Variants in CAPNS1 observed in about 807,000 individuals in gnomAD.
CAPNS1 encodes the protein CANP small subunit.
A neutral mutation model predicts 39.2 loss-of-function variants in CAPNS1; 32 were observed. That is an observed-to-expected ratio of 0.82 (90% CI 0.62 to 1.10). The LOEUF (loss-of-function observed/expected upper bound fraction) is 1.10. CAPNS1 is among the 50% of genes least tolerant of loss of function. The pLI is 0.00. For missense variants in CAPNS1, 353 were observed against 373.1 expected (o/e 0.95, Z 0.44); for synonymous variants, 153 against 136.2 (o/e 1.12, Z -0.86).
At chr19:36,145,203 CTTTTTTTTT>C (rs5827950) in intron 6 of CAPNS1, among the ~76,000 whole-genome samples, 2 of 118,296 alleles carry the variant, frequency 1.7e-5, no homozygotes, top group African/African-American at 3.3e-5. Context: ...TTTTCTTTCT[CTTTTTTTTT>C]TTTTTTTTTT....
intron 2 of CAPNS1, 31 bp downstream of exon 2, chr19:36,141,251 C>T (rs1405598575): frequency 2.0e-6 from 3 of 1,506,734 alleles, no homozygotes; most frequent in Non-Finnish European, 8.8e-7. Flanking sequence ...GGGGCGGGGC[C>T]TGGGAATGGG....
chr19:36,146,260 C>T lies in CAPNS1; in HGVS notation c.669C>T (p.Asn223=). ...IIRRYSDESG[N]MDFDNFISCL... is the part of the protein sequence containing the mutation. ...GACGCTACTCAGATGAAAGTGGGAA[C>T]ATGGATTTTGACAACTTCATCAGCT... The change falls in exon 9 of 11, where the codon AAC becomes AAT. Residue 223 remains asparagine, a synonymous_variant. Transcript: ENST00000246533. 6.2e-7 allele frequency: 1 copy of T among 1,614,068 alleles called. No individual in the cohort carries two copies.
At chr19:36,142,582 G>T (rs1042981561) in intron 3 of CAPNS1, 70 bp from the exon 4 acceptor site, 95 of 1,259,088 alleles carry the variant, frequency 7.5e-5, no homozygotes, top group Admixed American at 2.2e-4. Context: ...CCCACCCAGG[G>T]TACCTGGGTT....
intron 6 of CAPNS1, 122 bp from the exon 7 acceptor site, chr19:36,145,684 C>T: frequency 1.4e-6 from 1 of 733,632 alleles, no homozygotes; most frequent in Non-Finnish European, 2.3e-6. Context: ...ATGACTAGGA[C>T]CAAGCGGGAG....
At chr19:36,140,623 T>A in intron 1 of CAPNS1, 1 of 201,624 alleles carries the variant, frequency 5.0e-6, no homozygotes, top group Admixed American at 6.1e-5. Flanking sequence ...TCCGCGCCCA[T>A]GACCTGCCAA....
In CAPNS1 at chr19:36,141,161, A is replaced by AGGCGGC. The variant is rs1374094649; in HGVS notation, c.153_158dup (p.Gly55_Gly56dup). On this transcript the variant is annotated inframe_insertion, in exon 2 of 11. Coordinates refer to ENST00000246533, the MANE Select transcript of CAPNS1 (RefSeq NM_001749.4). ...GCGGCGGCGGCGGCGGCGGTGGTGG[A>AGGCGGC]GGCGGCGGTGGCGGTGGAACGGCCA... The AGGCGGC allele has an allele frequency of 7.2e-7, 1 of 1,398,096 alleles. No individual in the cohort carries two copies. 86.6% of individuals were successfully genotyped at this position (1,398,096 alleles called of 1,614,324 possible).
chr19:36,149,719 C>T (rs758474848), intron 10 of CAPNS1, 83 bp downstream of exon 10: 1 of 1,591,200 alleles, frequency 6.3e-7, no homozygotes, highest in South Asian at 1.1e-5. Flanking sequence ...CTGCAGTCCC[C>T]TTCCTCCTAT....
chr19:36,140,801 T>C, intron 1 of CAPNS1, 196 bp from the exon 2 acceptor site: 2 of 662,080 alleles, frequency 3.0e-6, no homozygotes, highest in Admixed American at 3.6e-5. Context: ...CACGGGTGCC[T>C]TTTAGACCTG....
In CAPNS1 at chr19:36,142,659, G is replaced by A. The variant is rs866083785; in HGVS notation, c.251G>A (p.Arg84His). The change falls in exon 4 of 11, where the codon CGC (arginine) becomes CAC (histidine). Residue 84 changes from arginine (R) to histidine (H), a missense_variant. Physicochemically the swap from Arg to His is conservative, Grantham distance 29. Coordinates refer to ENST00000246533, the MANE Select transcript of CAPNS1 (RefSeq NM_001749.4). ...AQYNPEPPPPRTHYSNIEANE... is the reference protein window; with the variant it reads ...AQYNPEPPPPHTHYSNIEANE... The stretch of plus-strand genomic sequence containing the variant: ...GCTCTCCTCCCTTTGCAGCCCCCAC[G>A]CACACATTACTCCAACATTGAGGCC... 5 of 1,613,856 alleles carry A rather than the reference G, an allele frequency of 3.1e-6. No homozygotes were observed. Among genetic ancestry groups the A allele is most frequent in the Admixed American group, 1.7e-5 (1 of 59,992 alleles).
At chr19:36,145,577 AAT>A (rs1974533757) in intron 6 of CAPNS1, 1 of 509,418 alleles carries the variant, frequency 2.0e-6, no homozygotes, top group South Asian at 2.6e-5. Context: ...AGTTGAATAT[AAT>A]TCCTCATGGT....
chr19:36,149,641 G>A lies in CAPNS1; in HGVS notation c.780+5G>A, dbSNP rs765107361. The A allele has an allele frequency of 7.6e-6, 12 of 1,574,230 alleles. No individual in the cohort carries two copies. The South Asian group carries it at 9.3e-5, about 12-fold the overall frequency. ...ATCCAGGTGAACATCCAGGAGGTAA[G>A]GACCCCCATATTGGGGTATGGGTGC... On this transcript the variant is annotated splice_donor_5th_base_variant and intron_variant, in intron 10 of 10. Coordinates refer to ENST00000246533, the MANE Select transcript of CAPNS1 (RefSeq NM_001749.4).
Position 36,141,211 on chromosome 19 carries a change from G to A in CAPNS1, c.200G>A (p.Ser67Asn). 1 of 1,500,780 alleles carries A rather than the reference G, an allele frequency of 6.7e-7. No individual in the cohort carries two copies. Among genetic ancestry groups the A allele is most frequent in the South Asian group, 1.3e-5 (1 of 77,118 alleles). The allele number at this position is 1,500,780 out of a possible 1,614,324, so 93.0% of individuals were successfully genotyped here. ...TAMRILGGVI[S>N]AISEAAAQYN... is the part of the protein sequence containing the mutation. ...ATGCGCATCCTAGGCGGAGTCATCAGCGCCATCAGGTAAGGCGGAGACTAT... is the reference window on the plus strand; with the variant it reads ...ATGCGCATCCTAGGCGGAGTCATCAACGCCATCAGGTAAGGCGGAGACTAT... The change falls in exon 2 of 11, where the codon AGC becomes AAC. Residue 67 changes from serine (S) to asparagine (N), a missense_variant. Coordinates refer to ENST00000246533, the MANE Select transcript of CAPNS1 (RefSeq NM_001749.4).
intron 6 of CAPNS1, among the ~76,000 whole-genome samples, chr19:36,143,812 G>A (rs919878393): frequency 1.1e-4 from 16 of 149,194 alleles, no homozygotes; most frequent in Non-Finnish European, 2.2e-4. Context: ...GCAGTGAGCC[G>A]AGATCGCGCC....
intron 1 of CAPNS1, chr19:36,140,423 C>T (rs1047445397): frequency 6.6e-6 from 1 of 152,564 alleles, no homozygotes; most frequent in African/African-American, 2.4e-5. Context: ...GATCGTAGAT[C>T]TGTGCCCCCA....
At position 36,141,112 on chromosome 19, in the gene CAPNS1, G is replaced by GCGGGGC. The variant is rs1974343649; in HGVS notation, c.107_112dup (p.Ala36_Gly37dup). On this transcript the variant is annotated inframe_insertion, in exon 2 of 11. Transcript: ENST00000246533. ...GGAAATGTGCTTGGAGGCCTGATCAGCGGGGCCGGGGGCGGCGGCGGCGGC... is the reference window on the plus strand; with the variant it reads ...GGAAATGTGCTTGGAGGCCTGATCAGCGGGGCCGGGGCCGGGGGCGGCGGCGGCGGC... 1.1e-5 allele frequency: 15 copies of GCGGGGC among 1,392,518 alleles called. No individual in the cohort carries two copies. Among genetic ancestry groups the GCGGGGC allele is most frequent in the African/African-American group, 1.5e-5 (1 of 64,806 alleles). 86.3% of individuals were successfully genotyped at this position (1,392,518 alleles called of 1,614,324 possible).
chr19:36,144,814 C>T (rs1385737174), intron 6 of CAPNS1, among the ~76,000 whole-genome samples: 2 of 152,218 alleles, frequency 1.3e-5, no homozygotes, highest in African/African-American at 2.4e-5. Context: ...CGCTCTGTGC[C>T]TCAGTTTCTC....
At chr19:36,148,721 G>A (rs1398118519) in intron 9 of CAPNS1, among the ~76,000 whole-genome samples, 8 of 151,950 alleles carry the variant, frequency 5.3e-5, no homozygotes, top group African/African-American at 1.9e-4. Flanking sequence ...GCTGAGGCAG[G>A]AGAATCACTT....
At position 36,140,865 on chromosome 19, in the gene CAPNS1, C is replaced by T. The variant is rs528629683; in HGVS notation, c.-15-132C>T. The T allele has an allele frequency of 2.1e-3, 3,029 of 1,422,604 alleles. 10 individuals are homozygous for T. Among genetic ancestry groups the T allele is most frequent in the Non-Finnish European group, 2.4e-3 (2,499 of 1,050,750 alleles). 88.1% of individuals were successfully genotyped at this position (1,422,604 alleles called of 1,614,324 possible). ...CTGCCCCACCCATCCGCGGACAACC[C>T]GCCCTCGCAAACTCAGACCCCCACC... is the stretch of plus-strand genomic sequence containing the variant. On this transcript the variant is annotated intron_variant, in intron 1 of 10. Coordinates refer to ENST00000246533, the MANE Select transcript of CAPNS1 (RefSeq NM_001749.4).
intron 9 of CAPNS1, 26 bp from the exon 10 acceptor site, chr19:36,149,552 C>T (rs769050033): frequency 2.8e-6 from 4 of 1,449,646 alleles, no homozygotes; most frequent in Non-Finnish European, 3.6e-6. Context: ...TTCCCTGCCG[C>T]CAAACCTCTG....
Sources: allele counts gnomAD v4.1 joint callset (sites outside exome capture counted in the v4.1 genomes callset), GRCh38; gene constraint gnomAD v4.1.1; transcripts MANE v1.5; gene names NCBI Gene and HGNC (gene_info 2026-07-23, HGNC 2026-07-21).